The following TXNDC11 variants were observed in gnomAD, a reference collection of about 807,000 sequenced individuals.
TXNDC11 encodes thioredoxin domain containing 11, also known as thioredoxin domain-containing protein 11.
A neutral mutation model predicts 78.0 loss-of-function variants in TXNDC11; 68 were observed. The observed-to-expected ratio is 0.87, with a 90% confidence interval of 0.72 to 1.07. The LOEUF is 1.07. Among genes scored for constraint, TXNDC11 ranks in the 50% least tolerant of loss-of-function variants. TXNDC11 has a pLI of 0.00. For synonymous variants in TXNDC11, 571 were observed against 495.2 expected, an observed-to-expected ratio of 1.15 and a Z score of -2.03; for missense variants, 1,389 against 1,221.8, an observed-to-expected ratio of 1.14 and a Z score of -2.04.
Position 11,742,047 on chromosome 16 carries a change from G to C in TXNDC11, c.254+430C>G, listed in dbSNP as rs2052412669. ...ACTCCGTCTCAAAATAAAAATAATC[G>C]TTAGATCAATGAGTGCGGGAATTCT... is the stretch of plus-strand genomic sequence containing the variant. On this transcript the variant is annotated intron_variant, in intron 1 of 11. Transcript: ENST00000283033. 3 of 165,618 alleles carry C rather than the reference G, an allele frequency of 1.8e-5. No individual in the cohort carries two copies. In the South Asian group the frequency reaches 5.8e-4, roughly 32 times the overall value. The allele number at this position is 165,618 out of a possible 1,614,324, so 10.3% of individuals were successfully genotyped here.
intron 5 of TXNDC11, among the ~76,000 whole-genome samples, chr16:11,708,106 A>T (rs536782929): frequency 6.6e-6 from 1 of 152,288 alleles, no homozygotes; most frequent in African/African-American, 2.4e-5. Flanking sequence ...TAAAAAAAGA[A>T]AATTTTAAAT....
At chr16:11,719,437 C>T (rs529660351) in intron 5 of TXNDC11, among the ~76,000 whole-genome samples, 83 of 152,204 alleles carry the variant, frequency 5.5e-4, no homozygotes, top group Non-Finnish European at 9.6e-4. Flanking sequence ...TATATGACAG[C>T]TTTTCTCCCC....
intron 5 of TXNDC11, among the ~76,000 whole-genome samples, chr16:11,709,047 A>G (rs1016121236): frequency 6.6e-6 from 1 of 152,234 alleles, no homozygotes. Flanking sequence ...GAAATGTAAC[A>G]TTACAGAAAT....
At chr16:11,738,647 G>T (rs981126091) in intron 1 of TXNDC11, among the ~76,000 whole-genome samples, 1 of 150,066 alleles carries the variant, frequency 6.7e-6, no homozygotes, top group African/African-American at 2.5e-5. Flanking sequence ...TAAGAGGTGG[G>T]GAGGGCACTA....
chr16:11,724,784 C>A (rs983370592), intron 4 of TXNDC11, among the ~76,000 whole-genome samples: 1 of 152,062 alleles, frequency 6.6e-6, no homozygotes, highest in Admixed American at 6.6e-5. Context: ...CTTTCTCTGT[C>A]GCCAAGGCTG....
chr16:11,724,831 T>A (rs974154941), intron 4 of TXNDC11, among the ~76,000 whole-genome samples: 1 of 152,164 alleles, frequency 6.6e-6, no homozygotes, highest in African/African-American at 2.4e-5. Flanking sequence ...CTGCAACCTC[T>A]GACTCACAGG....
intron 4 of TXNDC11, 102 bp from the exon 5 acceptor site, chr16:11,721,772 A>G: frequency 1.6e-6 from 1 of 624,292 alleles, no homozygotes; most frequent in Non-Finnish European, 2.8e-6. Context: ...CAATTAATGC[A>G]TCTTGTTGCC....
chr16:11,685,469 C>T (rs2868983), intron 10 of TXNDC11, among the ~76,000 whole-genome samples: 9,232 of 152,026 alleles, frequency 0.061, 422 homozygotes, highest in East Asian at 0.18. Context: ...CGCGGTGAAA[C>T]GCCACCCGTC....
chr16:11,724,481 C>T (rs1196272156), intron 4 of TXNDC11, among the ~76,000 whole-genome samples: 1 of 152,060 alleles, frequency 6.6e-6, no homozygotes, highest in Non-Finnish European at 1.5e-5. Flanking sequence ...AAAATGACAC[C>T]GGCCAGGTGT....
chr16:11,686,209 C>T (rs937447658), intron 10 of TXNDC11, among the ~76,000 whole-genome samples: 4 of 152,346 alleles, frequency 2.6e-5, no homozygotes, highest in Middle Eastern at 3.4e-3. Flanking sequence ...CCGCCCACCT[C>T]GGCCTCCCAA....
At position 11,698,120 on chromosome 16, in the gene TXNDC11, C is replaced by G; in HGVS notation, c.1107+5G>C. 6.2e-7 allele frequency: 1 copy of G among 1,614,186 alleles called. No homozygotes were observed. The highest frequency in any genetic ancestry group is 8.5e-7 in the Non-Finnish European group (1 of 1,179,986). On this transcript the variant is annotated splice_donor_5th_base_variant and intron_variant, in intron 7 of 11. Transcript: ENST00000283033. ...ATGAGGTGCTTTTCACATCACAGCTCTTACCTCGTCTATTAAAGGATGACT... is the reference window on the plus strand; with the variant it reads ...ATGAGGTGCTTTTCACATCACAGCTGTTACCTCGTCTATTAAAGGATGACT...
chr16:11,716,908 C>T (rs1454681598), intron 5 of TXNDC11, among the ~76,000 whole-genome samples: 1 of 151,818 alleles, frequency 6.6e-6, no homozygotes, highest in African/African-American at 2.4e-5. Flanking sequence ...GACCCAAATC[C>T]ATGGAAAAAT....
At chr16:11,719,682 G>C (rs1479708499) in intron 5 of TXNDC11, among the ~76,000 whole-genome samples, 1 of 152,164 alleles carries the variant, frequency 6.6e-6, no homozygotes, top group Non-Finnish European at 1.5e-5. Flanking sequence ...CCTGCTTTGT[G>C]CCAGGCTATA....
At chr16:11,740,585 C>T (rs2052362366) in intron 1 of TXNDC11, among the ~76,000 whole-genome samples, 1 of 152,252 alleles carries the variant, frequency 6.6e-6, no homozygotes, top group Admixed American at 6.5e-5. Context: ...AACCTCTCTT[C>T]CTAATTTGAA....
intron 4 of TXNDC11, among the ~76,000 whole-genome samples, chr16:11,729,501 T>A (rs372383856): frequency 2.0e-5 from 3 of 152,228 alleles, no homozygotes; most frequent in African/African-American, 7.2e-5. Flanking sequence ...ATACTGATGT[T>A]CTGGTGAAAA....
chr16:11,719,870 A>G (rs371697803), intron 5 of TXNDC11, among the ~76,000 whole-genome samples: 7 of 152,344 alleles, frequency 4.6e-5, no homozygotes, highest in Middle Eastern at 3.4e-3. Flanking sequence ...CAGTTATTTA[A>G]TTGTGGAAGC....
At chr16:11,709,560 G>A (rs1048476697) in intron 5 of TXNDC11, among the ~76,000 whole-genome samples, 3 of 148,538 alleles carry the variant, frequency 2.0e-5, no homozygotes, top group Admixed American at 6.8e-5. Flanking sequence ...TCAGCCTCCC[G>A]AGTAGCTGGG....
chr16:11,715,093 T>C (rs906442082), intron 5 of TXNDC11, among the ~76,000 whole-genome samples: 4 of 151,532 alleles, frequency 2.6e-5, no homozygotes, highest in Non-Finnish European at 2.9e-5. Context: ...TCTACTAAAA[T>C]ACACAAAAAT....
At position 11,691,619 on chromosome 16, in the gene TXNDC11, T is replaced by C. The variant is rs1402577497; in HGVS notation, c.1571A>G (p.Gln524Arg). The C allele has an allele frequency of 6.2e-7, 1 of 1,614,224 alleles. No homozygotes were observed. The highest frequency in any genetic ancestry group is 1.1e-5 in the South Asian group (1 of 91,092). Residue 524 changes from glutamine to arginine, a missense_variant, in exon 8 of 12, where the codon CAA (glutamine) becomes CGA (arginine). Coordinates refer to ENST00000283033, the MANE Select transcript of TXNDC11 (RefSeq NM_015914.7). ...RGVSGFIDSE[Q>R]GVFEAPTVAF... The stretch of plus-strand genomic sequence containing the variant: ...AACAGTAGGGGCTTCAAAGACACCT[T>C]GTTCAGAGTCGATGAAGCCTGACAC...
Sources: allele counts gnomAD v4.1 joint callset (sites outside exome capture counted in the v4.1 genomes callset), GRCh38; gene constraint gnomAD v4.1.1; transcripts MANE v1.5; gene names NCBI Gene and HGNC (gene_info 2026-07-23, HGNC 2026-07-21).